MED1: variants seen among roughly 807,000 people sequenced by gnomAD.
MED1 encodes the protein mediator of RNA polymerase II transcription subunit 1.
A neutral mutation model predicts 121.3 loss-of-function variants in MED1; 17 were observed. The ratio of observed to expected loss-of-function variants is 0.14; its 90% CI spans 0.10 to 0.21. MED1 has a LOEUF of 0.21. MED1 is among the 10% of genes least tolerant of loss of function. The probability of loss-of-function intolerance (pLI) is 1.00; values close to 1 mark genes in which losing one functional copy is unlikely to be tolerated. For synonymous variants in MED1, 661 were observed against 694.4 expected (o/e 0.95, Z 0.76); for missense variants, 1,558 against 1,919.4 (o/e 0.81, Z 3.52).
chr17:39,427,708 C>T lies in MED1; in HGVS notation c.732G>A (p.Glu244=), dbSNP rs1251906055. 1 of 1,590,320 alleles carries T rather than the reference C, an allele frequency of 6.3e-7. No individual in the cohort carries two copies. The highest frequency in any genetic ancestry group is 8.6e-7 in the Non-Finnish European group (1 of 1,159,038). The change falls in exon 10 of 17, where the codon GAG becomes GAA. Residue 244 remains glutamate (E), a synonymous_variant. Coordinates refer to ENST00000300651, the MANE Select transcript of MED1 (RefSeq NM_004774.4). ...DKTASPIILH[E]NNVSRSLGMN... ...TTACAATTAAAGTCTTACCATTATTCTCATGCAAAATGATGGGAGATGCAG... is the reference window on the plus strand; with the variant it reads ...TTACAATTAAAGTCTTACCATTATTTTCATGCAAAATGATGGGAGATGCAG...
At position 39,407,717 on chromosome 17, in the gene MED1, T is replaced by C; in HGVS notation, c.4504A>G (p.Lys1502Glu). 6.2e-7 allele frequency: 1 copy of C among 1,614,142 alleles called. No individual in the cohort carries two copies. Among genetic ancestry groups the C allele is most frequent in the Non-Finnish European group, 8.5e-7 (1 of 1,179,984 alleles). ...TTGTCTTTTACTTTCTTCTTTTCCT[T>C]TTTGTGCTTCTTATGTTTCTCTGTG... ...YSTEKHKKHK[K>E]EKKKVKDKDR... The change falls in exon 17 of 17, where the codon AAG (lysine) becomes GAG (glutamate). Residue 1502 changes from lysine to glutamate, a missense_variant. Transcript: ENST00000300651.
At chr17:39,445,058 T>C (rs1481937978) in intron 2 of MED1, among the ~76,000 whole-genome samples, 1 of 152,156 alleles carries the variant, frequency 6.6e-6, no homozygotes, top group Non-Finnish European at 1.5e-5. Flanking sequence ...AATTCTCCCT[T>C]ACAAAACAAA....
intron 16 of MED1, among the ~76,000 whole-genome samples, chr17:39,414,128 G>A (rs990777930): frequency 1.3e-5 from 2 of 151,124 alleles, no homozygotes; most frequent in Non-Finnish European, 2.9e-5. Context: ...TCAGGAGGGT[G>A]AGGCAGGAGA....
chr17:39,420,011 G>A (rs1344977241), intron 13 of MED1, 93 bp from the exon 14 acceptor site: 2 of 1,047,426 alleles, frequency 1.9e-6, no homozygotes, highest in Non-Finnish European at 2.8e-6. Flanking sequence ...TCAAAAAAGT[G>A]CAGAAAAGTC....
intron 14 of MED1, among the ~76,000 whole-genome samples, chr17:39,415,924 G>A (rs2048405314): frequency 6.6e-6 from 1 of 150,638 alleles, no homozygotes. Flanking sequence ...TGGGAGGCAA[G>A]GGTTGCAGTG....
intron 2 of MED1, among the ~76,000 whole-genome samples, chr17:39,444,315 T>C (rs1376951644): frequency 6.6e-6 from 1 of 151,696 alleles, no homozygotes; most frequent in Non-Finnish European, 1.5e-5. Flanking sequence ...GAGACCATCC[T>C]GGCCAAAATG....
Position 39,408,952 on chromosome 17 carries a change from G to A in MED1, c.3269C>T (p.Ser1090Phe). ...ATGGTGGCTTTTGCTGCCTGAGGAA[G>A]ACACAGAACCACTGCTGGTATACTG... Reference protein sequence around the residue: ...HSQYTSSGSVSSSGSKSHHSH... With the variant: ...HSQYTSSGSVFSSGSKSHHSH... The change falls in exon 17 of 17, where the codon TCT becomes TTT. Residue 1090 changes from serine (S) to phenylalanine (F), a missense_variant. Transcript: ENST00000300651. This position sits in a 1 kb window ranked among gnomAD's most constrained non-coding sequence, Gnocchi z 4.7. 2 of 1,614,202 alleles carry A rather than the reference G, an allele frequency of 1.2e-6. No individual in the cohort carries two copies. The highest frequency in any genetic ancestry group is 1.7e-6 in the Non-Finnish European group (2 of 1,180,054).
chr17:39,414,931 G>T (rs953249291), intron 16 of MED1, 95 bp downstream of exon 16: 10 of 1,082,626 alleles, frequency 9.2e-6, no homozygotes, highest in African/African-American at 1.6e-5. Flanking sequence ...GCCTCCCAAA[G>T]TGTGGGGATT....
In MED1 at chr17:39,405,321, CAGAA is replaced by C. The variant is rs2048294816; in HGVS notation, c.*2150_*2153del. ...GGGATTCTTTGATCTGGGATGAAGA[CAGAA>C]AGAGAGAAAAGCTTCCCAGTTTACT... On this transcript the variant is annotated 3_prime_UTR_variant, in exon 17 of 17. Transcript: ENST00000300651. 2 of 1,601,138 alleles carry C rather than the reference CAGAA, an allele frequency of 1.2e-6. No individual in the cohort carries two copies. Among genetic ancestry groups the C allele is most frequent in the Non-Finnish European group, 1.7e-6 (2 of 1,174,316 alleles).
In MED1 at chr17:39,408,138, G is replaced by T; in HGVS notation, c.4083C>A (p.Asp1361Glu). 6.2e-7 allele frequency: 1 copy of T among 1,614,036 alleles called. No individual in the cohort carries two copies. The highest frequency in any genetic ancestry group is 8.5e-7 in the Non-Finnish European group (1 of 1,180,020). ...FQGKREKSDK[D>E]KSKVSTSGSS... ...TCCCGGAGGTGGAAACCTTTGATTT[G>T]TCTTTATCACTTTTCTCACGCTTGC... Residue 1361 changes from aspartate (D) to glutamate (E), a missense_variant, in exon 17 of 17, where the codon GAC (aspartate) becomes GAA (glutamate). Around this residue, in one of 5 missense-constraint regions of MED1, gnomAD observed 264 missense variants for 326.1 expected, o/e 0.81. Transcript: ENST00000300651. The surrounding 1 kb of genome is among the most constrained non-coding windows in gnomAD (Gnocchi z 4.7).
Position 39,443,587 on chromosome 17 carries a change from C to A in MED1, c.174G>T (p.Leu58Phe). The A allele has an allele frequency of 2.5e-6, 4 of 1,613,926 alleles. No individual in the cohort carries two copies. The highest frequency in any genetic ancestry group is 3.4e-6 in the Non-Finnish European group (4 of 1,179,952). The part of the protein sequence containing the change: ...VVMSSGGHQH[L>F]VSCLETLQKA... ...TCTGCAATGTCTCCAAACAGCTGAC[C>A]AAATGTTGATGCCCTCCAGAACTCA... The change falls in exon 3 of 17, where the codon TTG becomes TTT. Residue 58 changes from leucine to phenylalanine, a missense_variant. Coordinates refer to ENST00000300651, the MANE Select transcript of MED1 (RefSeq NM_004774.4).
chr17:39,409,919 G>A lies in MED1; in HGVS notation c.2302C>T (p.Arg768Ter), dbSNP rs2048340153. ...HPQPSIQRMV[R>*]LSSSDSIGPD... Reference sequence around the variant, plus strand: ...CCAATGCTGTCTGAACTGGATAGTCGGACCATCCTTTGAATACTGGGTTGG... The same window carrying A: ...CCAATGCTGTCTGAACTGGATAGTCAGACCATCCTTTGAATACTGGGTTGG... The change falls in exon 17 of 17, where the codon CGA becomes TGA. Residue 768 changes from arginine to a stop codon, truncating the protein, a stop_gained. Transcript: ENST00000300651. LOFTEE classifies it high-confidence loss of function. 1.2e-6 allele frequency: 2 copies of A among 1,613,958 alleles called. No individual in the cohort carries two copies. The highest frequency in any genetic ancestry group is 1.3e-5 in the African/African-American group (1 of 74,896).
At chr17:39,421,848 G>C (rs112096265) in intron 13 of MED1, among the ~76,000 whole-genome samples, 2 of 151,714 alleles carry the variant, frequency 1.3e-5, no homozygotes, top group African/African-American at 4.8e-5. Flanking sequence ...CTGTCACCCC[G>C]CCAGGCAAGG....
In MED1 at chr17:39,406,715, G is replaced by A. The variant is rs944653600; in HGVS notation, c.*760C>T. ...TCTATTATATTTAACTCTAAAGGCGGGCTCTGACTAATTTGCTTGGGCTTG... is the reference window on the plus strand; with the variant it reads ...TCTATTATATTTAACTCTAAAGGCGAGCTCTGACTAATTTGCTTGGGCTTG... On this transcript the variant is annotated 3_prime_UTR_variant, in exon 17 of 17. Coordinates refer to ENST00000300651, the MANE Select transcript of MED1 (RefSeq NM_004774.4). 8.6e-5 allele frequency: 85 copies of A among 985,092 alleles called. No homozygotes were observed. The highest frequency in any genetic ancestry group is 5.2e-4 in the Middle Eastern group (1 of 1,936). The allele number at this position is 985,092 out of a possible 1,614,324, so 61.0% of individuals were successfully genotyped here.
rs1047875741 is a variant in MED1 at position 39,404,952 on chromosome 17, G to A, written c.*2523C>T. 2 of 262,312 alleles carry A rather than the reference G, an allele frequency of 7.6e-6. No individual in the cohort carries two copies. Among genetic ancestry groups the A allele is most frequent in the African/African-American group, 4.5e-5 (2 of 44,384 alleles). The allele number at this position is 262,312 out of a possible 1,614,324, so 16.2% of individuals were successfully genotyped here. A position where few individuals can be genotyped will look rare whatever the true frequency, so the allele number is the denominator to read the frequency against. Reference sequence around the variant, plus strand: ...CTTTATGTACATCAGAGCAGGTTATGACCAAGAACCCCTAATGTTAAGTCA... The same window carrying A: ...CTTTATGTACATCAGAGCAGGTTATAACCAAGAACCCCTAATGTTAAGTCA... On this transcript the variant is annotated 3_prime_UTR_variant, in exon 17 of 17. Coordinates refer to ENST00000300651, the MANE Select transcript of MED1 (RefSeq NM_004774.4).
chr17:39,429,903 G>A (rs1313213634), intron 9 of MED1, among the ~76,000 whole-genome samples: 2 of 151,832 alleles, frequency 1.3e-5, no homozygotes, highest in African/African-American at 4.8e-5. Flanking sequence ...AGGCAACATA[G>A]TAAGACCATG....
chr17:39,405,362 T>G lies in MED1; in HGVS notation c.*2113A>C. ...CTTCCCAGTTTACTCATTTTGGTATTTGTTGGCCCTGCATGGGGGAGCTGA... is the reference window on the plus strand; with the variant it reads ...CTTCCCAGTTTACTCATTTTGGTATGTGTTGGCCCTGCATGGGGGAGCTGA... On this transcript the variant is annotated 3_prime_UTR_variant, in exon 17 of 17. Coordinates refer to ENST00000300651, the MANE Select transcript of MED1 (RefSeq NM_004774.4). 6.4e-7 allele frequency: 1 copy of G among 1,571,334 alleles called. No homozygotes were observed. Among genetic ancestry groups the G allele is most frequent in the Non-Finnish European group, 8.6e-7 (1 of 1,157,836 alleles).
chr17:39,431,270 C>T (rs1345599024), intron 8 of MED1, 82 bp from the exon 9 acceptor site: 4 of 1,137,534 alleles, frequency 3.5e-6, no homozygotes, highest in East Asian at 2.5e-5. Flanking sequence ...TTCACCTCTC[C>T]GAAGTCTTGT....
Position 39,407,954 on chromosome 17 carries a change from G to C in MED1, c.4267C>G (p.Pro1423Ala), listed in dbSNP as rs778762297. The C allele has an allele frequency of 4.3e-6, 7 of 1,614,014 alleles. No individual in the cohort carries two copies. In the Admixed American group the frequency reaches 1.2e-4, roughly 27 times the overall value. The change falls in exon 17 of 17, where the codon CCT becomes GCT. Residue 1423 changes from proline (P) to alanine (A), a missense_variant. Pro to Ala is a conservative substitution (Grantham distance 27). Transcript: ENST00000300651. ...TAGTTTTTAGAAGAAGCCATTTGAG[G>C]CCTAAGCCCTTCTCCACTACTTTCC... ...PGESSGEGLR[P>A]QMASSKNYGS...
Sources: allele counts gnomAD v4.1 joint callset (sites outside exome capture counted in the v4.1 genomes callset), GRCh38; gene constraint gnomAD v4.1.1; regional missense constraint gnomAD v4.1.1; non-coding constraint Gnocchi (gnomAD v3.1); transcripts MANE v1.5; gene names NCBI Gene and HGNC (gene_info 2026-07-23, HGNC 2026-07-21).